The following KIAA1549 variants were observed in gnomAD, a reference collection of about 807,000 sequenced individuals.
KIAA1549 encodes the protein KIAA1549.
In KIAA1549, 70 loss-of-function variants were observed where a neutral mutation model predicts 156.4. That is an observed-to-expected ratio of 0.45 (90% CI 0.37 to 0.55). The LOEUF is 0.55. Among genes scored for constraint, KIAA1549 ranks in the 20% least tolerant of loss-of-function variants. The probability of loss-of-function intolerance (pLI) is 0.00; values close to 1 mark genes in which losing one functional copy is unlikely to be tolerated. For synonymous variants in KIAA1549, 1,103 were observed against 1,066.4 expected, an observed-to-expected ratio of 1.03 and a Z score of -0.67; for missense variants, 2,428 against 2,540.9, an observed-to-expected ratio of 0.96 and a Z score of 0.96.
chr7:138,868,937 C>A (rs1286913448), intron 14 of KIAA1549, among the ~76,000 whole-genome samples: 1 of 152,172 alleles, frequency 6.6e-6, no homozygotes, highest in Non-Finnish European at 1.5e-5. Flanking sequence ...ACAGGACCCA[C>A]CTGGCAGGCA....
At chr7:138,973,401 G>T (rs1563099660) in intron 1 of KIAA1549, among the ~76,000 whole-genome samples, 1 of 152,136 alleles carries the variant, frequency 6.6e-6, no homozygotes, top group Non-Finnish European at 1.5e-5. Flanking sequence ...AAACAGTTTG[G>T]TACAGTAGCA....
intron 1 of KIAA1549, among the ~76,000 whole-genome samples, chr7:138,924,752 C>G (rs1169478262): frequency 6.6e-6 from 1 of 152,128 alleles, no homozygotes; most frequent in Non-Finnish European, 1.5e-5. Flanking sequence ...CAGGAGGAGA[C>G]TAGAAAACCC....
At chr7:138,978,001 G>A (rs1465173818) in intron 1 of KIAA1549, among the ~76,000 whole-genome samples, 1 of 152,152 alleles carries the variant, frequency 6.6e-6, no homozygotes, top group African/African-American at 2.4e-5. Context: ...CGCATGGCCA[G>A]CAGAGCCTTC....
intron 1 of KIAA1549, among the ~76,000 whole-genome samples, chr7:138,970,293 A>G (rs1463357786): frequency 6.6e-6 from 1 of 152,016 alleles, no homozygotes; most frequent in Non-Finnish European, 1.5e-5. Context: ...GTAGTCAACC[A>G]CCCTAACACC....
intron 16 of KIAA1549, among the ~76,000 whole-genome samples, chr7:138,858,292 C>T (rs999200689): frequency 6.6e-6 from 1 of 152,030 alleles, no homozygotes; most frequent in African/African-American, 2.4e-5. Context: ...GACAGAGTCT[C>T]ACTGTGTTGC....
At chr7:138,879,503 T>C in intron 12 of KIAA1549, 35 bp downstream of exon 12, 1 of 1,322,200 alleles carries the variant, frequency 7.6e-7, no homozygotes, top group Non-Finnish European at 1.1e-6. Flanking sequence ...TCATAGGGAC[T>C]ACTTTTAATG....
intron 18 of KIAA1549, 114 bp downstream of exon 18, chr7:138,844,203 G>C (rs1810002528): frequency 8.2e-7 from 1 of 1,218,540 alleles, no homozygotes; most frequent in Non-Finnish European, 1.2e-6. Context: ...AAACAGCCCT[G>C]AAACAGCAGT....
intron 10 of KIAA1549, among the ~76,000 whole-genome samples, chr7:138,882,876 C>T (rs1471271724): frequency 6.6e-6 from 1 of 152,046 alleles, no homozygotes; most frequent in Non-Finnish European, 1.5e-5. Flanking sequence ...CCACACCAAA[C>T]CCATGACAGA....
In KIAA1549 at chr7:138,944,469, AAG is replaced by A. The variant is rs1813284140; in HGVS notation, c.188-25033_188-25032del. Among the ~76,000 whole-genome samples, 9 of 152,328 alleles carry A rather than the reference AAG, an allele frequency of 5.9e-5. No individual in the cohort carries two copies. In the South Asian group the frequency reaches 1.9e-3, roughly 32 times the overall value. On this transcript the variant is annotated intron_variant, in intron 1 of 19. Coordinates refer to ENST00000422774, the MANE Select transcript of KIAA1549 (RefSeq NM_001164665.2). ...CACAGCTGGTGCTTCCACTGTGGAA[AAG>A]AGTTTGGCGGGGATCTGGTCTCTCA...
chr7:138,932,855 C>T (rs1812910079), intron 1 of KIAA1549, among the ~76,000 whole-genome samples: 1 of 152,080 alleles, frequency 6.6e-6, no homozygotes. Context: ...GAAGCACTAG[C>T]CTGGGATTTA....
chr7:138,903,767 CA>C, intron 7 of KIAA1549, 31 bp from the exon 8 acceptor site: 1 of 1,543,578 alleles, frequency 6.5e-7, no homozygotes. Context: ...ACGTGGCACC[CA>C]AAACAAGTCA....
intron 1 of KIAA1549, among the ~76,000 whole-genome samples, chr7:138,927,916 T>C (rs1289548633): frequency 2.6e-5 from 4 of 151,434 alleles, no homozygotes; most frequent in Admixed American, 1.3e-4. Flanking sequence ...TCTGCTATTG[T>C]CTTGTCTTTT....
intron 1 of KIAA1549, among the ~76,000 whole-genome samples, chr7:138,948,910 G>A (rs1326743042): frequency 2.0e-5 from 3 of 151,956 alleles, no homozygotes; most frequent in Non-Finnish European, 2.9e-5. Context: ...CTCCATGTTG[G>A]TCAGGGCTGG....
rs1256578392 is a variant in KIAA1549, at chr7:138,840,203, C to T, written c.5528G>A (p.Ser1843Asn). ...IGAQPVEIPP[S>N]RGSQYGGPGW... Reference sequence around the variant, plus strand: ...TGGCCCCCCATACTGGCTGCCTCTGCTTGGCGGGATTTCCACTGGCTGAGC... The same window carrying T: ...TGGCCCCCCATACTGGCTGCCTCTGTTTGGCGGGATTTCCACTGGCTGAGC... The change falls in exon 19 of 20, where the codon AGC (serine) becomes AAC (asparagine). Residue 1843 changes from serine (S) to asparagine (N), a missense_variant. By Grantham distance (46) the Ser-to-Asn change is conservative. Coordinates refer to ENST00000422774, the MANE Select transcript of KIAA1549 (RefSeq NM_001164665.2). 1 of 1,573,832 alleles carries T rather than the reference C, an allele frequency of 6.4e-7. No homozygotes were observed. The highest frequency in any genetic ancestry group is 8.6e-7 in the Non-Finnish European group (1 of 1,159,642).
chr7:138,957,223 G>C (rs118162353), intron 1 of KIAA1549, among the ~76,000 whole-genome samples: 3,909 of 152,248 alleles, frequency 0.026, 84 homozygotes, highest in Non-Finnish European at 0.039. Context: ...AGGTAGGAGA[G>C]GGGAGAGGAG....
chr7:138,958,056 G>A (rs1382306750), intron 1 of KIAA1549, among the ~76,000 whole-genome samples: 1 of 152,180 alleles, frequency 6.6e-6, no homozygotes, highest in Non-Finnish European at 1.5e-5. Context: ...CTTTGACAAC[G>A]TCTGTGAATA....
At chr7:138,877,345 T>C (rs920894509) in intron 12 of KIAA1549, among the ~76,000 whole-genome samples, 3 of 151,960 alleles carry the variant, frequency 2.0e-5, no homozygotes, top group African/African-American at 7.3e-5. Flanking sequence ...AATACAAAAA[T>C]TGGCCAGGTG....
intron 1 of KIAA1549, among the ~76,000 whole-genome samples, chr7:138,951,600 C>T (rs1387924594): frequency 1.3e-5 from 2 of 152,102 alleles, no homozygotes; most frequent in African/African-American, 2.4e-5. Flanking sequence ...TGTCAGATGA[C>T]GACACCTGCT....
intron 16 of KIAA1549, among the ~76,000 whole-genome samples, chr7:138,858,941 G>A (rs1402997872): frequency 6.6e-6 from 1 of 151,946 alleles, no homozygotes; most frequent in Non-Finnish European, 1.5e-5. Flanking sequence ...GGGAGGTGGA[G>A]CTTGCAGTGA....
Sources: allele counts gnomAD v4.1 joint callset (sites outside exome capture counted in the v4.1 genomes callset), GRCh38; gene constraint gnomAD v4.1.1; transcripts MANE v1.5; gene names NCBI Gene and HGNC (gene_info 2026-07-23, HGNC 2026-07-21).